The following JAG1 variants were observed in gnomAD, a reference collection of about 807,000 sequenced individuals.
JAG1 encodes the protein jagged canonical Notch ligand 1.
In JAG1, 23 loss-of-function variants were observed where a neutral mutation model predicts 148.7. That is an observed-to-expected ratio of 0.15 (90% confidence interval 0.11 to 0.22). The LOEUF is 0.22. JAG1 is among the 10% of genes least tolerant of loss of function. JAG1 has a pLI of 1.00. For synonymous variants in JAG1, 572 were observed against 598.3 expected (o/e 0.96, Z 0.64); for missense variants, 1,054 against 1,611.2 (o/e 0.65, Z 5.92).
At chr20:10,653,631 C>T (rs1049352335) in intron 5 of JAG1, among the ~76,000 whole-genome samples, 10 of 151,522 alleles carry the variant, frequency 6.6e-5, no homozygotes, top group African/African-American at 1.5e-4. Flanking sequence ...GTTTCCAGAA[C>T]GGGACCTGGG....
At chr20:10,659,551 T>G (rs912731880) in intron 3 of JAG1, among the ~76,000 whole-genome samples, 1 of 142,282 alleles carries the variant, frequency 7.0e-6, no homozygotes, top group African/African-American at 2.6e-5. Context: ...AAGGAGACGA[T>G]TAAGTTACTT....
chr20:10,640,373 G>T (rs1250901688), intron 25 of JAG1, among the ~76,000 whole-genome samples: 1 of 148,454 alleles, frequency 6.7e-6, no homozygotes, highest in Non-Finnish European at 1.5e-5. Context: ...AACGGTGCTC[G>T]AGATCCTCAG....
chr20:10,668,327 G>T (rs575451515), intron 2 of JAG1, among the ~76,000 whole-genome samples: 54 of 151,966 alleles, frequency 3.6e-4, no homozygotes, highest in East Asian at 1.2e-3. Context: ...AGTTTTGAGA[G>T]ATATATATAT....
In JAG1 at chr20:10,673,639, C is replaced by A. The variant is rs1246863892; in HGVS notation, c.-109G>T. On this transcript the variant is annotated 5_prime_UTR_variant, in exon 1 of 26. Transcript: ENST00000254958. This position sits in a 1 kb window ranked among gnomAD's most constrained non-coding sequence, Gnocchi z 4.7. ...CCCCTGCGGCCGCCGCGTCCCGGCT[C>A]TAATATACTCCGCCGATTGGAGCAT... 7.4e-6 allele frequency: 3 copies of A among 406,218 alleles called. No homozygotes were observed. Among genetic ancestry groups the A allele is most frequent in the South Asian group, 2.2e-4 (2 of 8,952 alleles). The allele number at this position is 406,218 out of a possible 1,614,324, so 25.2% of individuals were successfully genotyped here.
At chr20:10,650,482 A>C in intron 8 of JAG1, 122 bp from the exon 9 acceptor site, 1 of 701,904 alleles carries the variant, frequency 1.4e-6, no homozygotes, top group Non-Finnish European at 2.6e-6. Flanking sequence ...GCTACAAGGA[A>C]AGCTACAGCA....
chr20:10,647,396 C>T (rs972763067), intron 13 of JAG1: 1 of 494,594 alleles, frequency 2.0e-6, no homozygotes, highest in Non-Finnish European at 3.7e-6. Context: ...TTGGTAAACA[C>T]TTGCTAAGGC....
chr20:10,658,356 G>A, intron 4 of JAG1, 112 bp downstream of exon 4: 1 of 1,421,886 alleles, frequency 7.0e-7, no homozygotes. Context: ...CAGAATAACA[G>A]CCAAAATCCC....
intron 3 of JAG1, among the ~76,000 whole-genome samples, chr20:10,660,633 C>CAGAG (rs961784832): frequency 3.9e-5 from 6 of 152,190 alleles, no homozygotes; most frequent in African/African-American, 1.4e-4. Flanking sequence ...AAGTGTCGTG[C>CAGAG]AGAGGATCAC....
At chr20:10,647,163 G>A in intron 13 of JAG1, 60 bp from the exon 14 acceptor site, 3 of 1,602,090 alleles carry the variant, frequency 1.9e-6, no homozygotes, top group Non-Finnish European at 2.6e-6. Context: ...GCATTCCTAA[G>A]CCAAGGGCCT....
intron 3 of JAG1, among the ~76,000 whole-genome samples, chr20:10,662,712 G>A (rs1170109151): frequency 1.3e-5 from 2 of 152,142 alleles, no homozygotes; most frequent in East Asian, 3.9e-4. Context: ...ATCAGCCATA[G>A]CCAAGGCTGA....
At chr20:10,667,779 C>T (rs1168785553) in intron 2 of JAG1, among the ~76,000 whole-genome samples, 1 of 152,148 alleles carries the variant, frequency 6.6e-6, no homozygotes, top group Non-Finnish European at 1.5e-5. Flanking sequence ...ATCCCCACCC[C>T]CTTTCCCATC....
chr20:10,639,028 A>G lies in JAG1; in HGVS notation c.*470T>C, dbSNP rs1352810485. On this transcript the variant is annotated 3_prime_UTR_variant, in exon 26 of 26. Transcript: ENST00000254958. ...AATACAATTAAAAAAAATAAATAAT[A>G]AAGTCATTTGTGATCGTTGCTGTGG... 1 of 156,470 alleles carries G rather than the reference A, an allele frequency of 6.4e-6. No homozygotes were observed. The highest frequency in any genetic ancestry group is 1.9e-4 in the East Asian group (1 of 5,370). 9.7% of individuals were successfully genotyped at this position (156,470 alleles called of 1,614,324 possible). A position where few individuals can be genotyped will look rare whatever the true frequency, so the allele number is the denominator to read the frequency against.
chr20:10,660,702 G>C (rs879345466), intron 3 of JAG1, among the ~76,000 whole-genome samples: 1 of 152,236 alleles, frequency 6.6e-6, no homozygotes, highest in African/African-American at 2.4e-5. Flanking sequence ...TGCTCAGGGA[G>C]GGGGTCGAGC....
chr20:10,654,338 CACCA>C (rs1600186863), intron 5 of JAG1, among the ~76,000 whole-genome samples: 1 of 152,146 alleles, frequency 6.6e-6, no homozygotes, highest in Non-Finnish European at 1.5e-5. Flanking sequence ...CTAAAAGAGG[CACCA>C]ACCAAGTTAT....
At position 10,638,467 on chromosome 20, in the gene JAG1, C is replaced by G. The variant is rs2067247187; in HGVS notation, c.*1031G>C. The stretch of plus-strand genomic sequence containing the variant: ...GTTAAGTCATAGCTCAACTTGTTCC[C>G]TTACTGCTCTGCAGCAGATCACCTG... On this transcript the variant is annotated 3_prime_UTR_variant, in exon 26 of 26. Transcript: ENST00000254958. 1 of 152,614 alleles carries G rather than the reference C, an allele frequency of 6.6e-6. No homozygotes were observed. Among genetic ancestry groups the G allele is most frequent in the Non-Finnish European group, 1.5e-5 (1 of 68,048 alleles). 9.5% of individuals were successfully genotyped at this position (152,614 alleles called of 1,614,324 possible). A position where few individuals can be genotyped will look rare whatever the true frequency, so the allele number is the denominator to read the frequency against.
chr20:10,668,751 T>G (rs2074337708), intron 2 of JAG1, among the ~76,000 whole-genome samples: 1 of 152,058 alleles, frequency 6.6e-6, no homozygotes, highest in Admixed American at 6.5e-5. Flanking sequence ...AAGGCACCAC[T>G]ATTTGGTGTG....
At chr20:10,640,718 T>A in intron 25 of JAG1, 65 bp downstream of exon 25, 5 of 1,544,066 alleles carry the variant, frequency 3.2e-6, no homozygotes, top group Non-Finnish European at 4.5e-6. Flanking sequence ...ACCTGATGGC[T>A]TTATTGAATA....
chr20:10,658,781 T>C (rs1453684983), intron 3 of JAG1, 59 bp from the exon 4 acceptor site: 40 of 1,597,558 alleles, frequency 2.5e-5, no homozygotes, highest in African/African-American at 4.0e-5. Context: ...TCCCTGACCA[T>C]TTTGGCTTTT....
intron 3 of JAG1, chr20:10,662,090 G>T (rs1456696369): frequency 6.6e-6 from 1 of 152,186 alleles, no homozygotes; most frequent in Admixed American, 6.5e-5. Flanking sequence ...GGCCAAATAG[G>T]CAAGTGGAGA....
Sources: gnomAD v4.1 joint callset for allele counts (sites outside exome capture counted in the v4.1 genomes callset) on GRCh38, gnomAD v4.1.1 for gene constraint, Gnocchi (gnomAD v3.1) non-coding constraint, MANE v1.5 for transcripts, NCBI Gene and HGNC (gene_info 2026-07-23, HGNC 2026-07-21) for gene names.